DACH1: variants seen among roughly 807,000 people sequenced by gnomAD.
The protein encoded by DACH1 is dachshund family transcription factor 1.
DACH1 carries 12 observed loss-of-function variants against 54.2 expected under a neutral mutation model. That is an observed-to-expected ratio of 0.22 (90% CI 0.14 to 0.36). The LOEUF is 0.36. DACH1 is among the 10% of genes least tolerant of loss of function. DACH1 has a pLI of 1.00. For synonymous variants in DACH1, 386 were observed against 366.2 expected, an observed-to-expected ratio of 1.05 and a Z score of -0.62; for missense variants, 805 against 929.8, an observed-to-expected ratio of 0.87 and a Z score of 1.75.
At chr13:71,850,603 C>T (rs1009697255) in intron 1 of DACH1, among the ~76,000 whole-genome samples, 4 of 152,152 alleles carry the variant, frequency 2.6e-5, no homozygotes, top group African/African-American at 9.7e-5. Flanking sequence ...AGTTTAAAAA[C>T]CACACATGAT....
chr13:71,483,679 G>A (rs1878251455), intron 7 of DACH1, among the ~76,000 whole-genome samples: 1 of 151,632 alleles, frequency 6.6e-6, no homozygotes, highest in African/African-American at 2.4e-5. Flanking sequence ...ACTGAAGATA[G>A]ATAATCAGAG....
At chr13:71,806,843 T>G (rs2138140064) in intron 1 of DACH1, among the ~76,000 whole-genome samples, 1 of 152,266 alleles carries the variant, frequency 6.6e-6, no homozygotes, top group African/African-American at 2.4e-5. Flanking sequence ...AGTGATGGAG[T>G]TCTTCCAAAA....
intron 1 of DACH1, among the ~76,000 whole-genome samples, chr13:71,825,651 C>T (rs889997060): frequency 2.0e-5 from 3 of 151,948 alleles, no homozygotes; most frequent in South Asian, 4.1e-4. Context: ...TTATTAATAC[C>T]GAGTAATACA....
chr13:71,496,168 G>A (rs1046152041), intron 6 of DACH1, among the ~76,000 whole-genome samples: 1 of 150,564 alleles, frequency 6.6e-6, no homozygotes, highest in African/African-American at 2.4e-5. Context: ...AACCTAGGGG[G>A]CAGAGGTTGC....
chr13:71,728,137 G>C (rs543657026), intron 1 of DACH1, among the ~76,000 whole-genome samples: 1 of 151,878 alleles, frequency 6.6e-6, no homozygotes. Context: ...ATAGAAAAAC[G>C]GGAAAAACTA....
chr13:71,847,028 A>G (rs1163523063), intron 1 of DACH1, among the ~76,000 whole-genome samples: 2 of 152,160 alleles, frequency 1.3e-5, no homozygotes, highest in Non-Finnish European at 2.9e-5. Flanking sequence ...ACCTTTCATA[A>G]CTAATCTGAT....
chr13:71,816,100 T>A (rs1887912329), intron 1 of DACH1, among the ~76,000 whole-genome samples: 1 of 151,748 alleles, frequency 6.6e-6, no homozygotes, highest in African/African-American at 2.4e-5. Flanking sequence ...AAAAATAAAA[T>A]AAAATAAAAT....
At chr13:71,656,073 A>G (rs1029578612) in intron 2 of DACH1, among the ~76,000 whole-genome samples, 2 of 152,140 alleles carry the variant, frequency 1.3e-5, no homozygotes, top group African/African-American at 4.8e-5. Context: ...GTTATTTGGG[A>G]TTTTGGGTAT....
chr13:71,690,527 G>A (rs1294709479), intron 1 of DACH1, among the ~76,000 whole-genome samples: 1 of 152,162 alleles, frequency 6.6e-6, no homozygotes, highest in Non-Finnish European at 1.5e-5. Flanking sequence ...AGAAACAATT[G>A]TAAGTGGCCT....
intron 1 of DACH1, among the ~76,000 whole-genome samples, chr13:71,717,567 G>A (rs992926950): frequency 1.2e-4 from 18 of 150,034 alleles, no homozygotes; most frequent in Middle Eastern, 3.4e-3. Context: ...CTCTATGCCC[G>A]CTTAGATTTG....
chr13:71,561,400 C>T (rs997740472), intron 4 of DACH1, among the ~76,000 whole-genome samples: 4 of 152,270 alleles, frequency 2.6e-5, no homozygotes, highest in Admixed American at 6.5e-5. Context: ...TTTAATCCCA[C>T]GTGAGTCGTG....
At chr13:71,819,376 C>T (rs1052792160) in intron 1 of DACH1, among the ~76,000 whole-genome samples, 3 of 152,188 alleles carry the variant, frequency 2.0e-5, no homozygotes, top group Non-Finnish European at 4.4e-5. Context: ...GAGAGCAAAG[C>T]CGAGGGGCAA....
rs188417572 is a variant in DACH1 at position 71,463,949 on chromosome 13, G to A, written c.2083+11192C>T. Among the ~76,000 whole-genome samples, 389 of 152,028 alleles carry A rather than the reference G, an allele frequency of 2.6e-3. 4 individuals carry two copies. The highest frequency in any genetic ancestry group is 3.8e-3 in the Non-Finnish European group (261 of 67,880). On this transcript the variant is annotated intron_variant, in intron 10 of 10. Transcript: ENST00000613252. ...TTTTCATTATGATCTCTTAGTTTGTGAGAGGAGAAACTCCTGCTGCAATTC... is the reference window on the plus strand; with the variant it reads ...TTTTCATTATGATCTCTTAGTTTGTAAGAGGAGAAACTCCTGCTGCAATTC...
chr13:71,761,619 T>A (rs1885404765), intron 1 of DACH1, among the ~76,000 whole-genome samples: 1 of 152,082 alleles, frequency 6.6e-6, no homozygotes, highest in African/African-American at 2.4e-5. Flanking sequence ...TGCGTACACA[T>A]CATCTGGGGT....
chr13:71,801,318 C>A (rs1887279995), intron 1 of DACH1, among the ~76,000 whole-genome samples: 1 of 152,030 alleles, frequency 6.6e-6, no homozygotes, highest in Admixed American at 6.6e-5. Context: ...CCTACTAAGC[C>A]ATAGATTTAT....
chr13:71,768,581 C>A (rs548906767), intron 1 of DACH1, among the ~76,000 whole-genome samples: 11 of 152,032 alleles, frequency 7.2e-5, no homozygotes, highest in African/African-American at 2.2e-4. Context: ...AGTTCTACAG[C>A]CCTGAGCACA....
At chr13:71,819,444 A>G (rs187866679) in intron 1 of DACH1, among the ~76,000 whole-genome samples, 85 of 152,286 alleles carry the variant, frequency 5.6e-4, no homozygotes, top group Admixed American at 2.7e-3. Flanking sequence ...AACTTAATAG[A>G]GTGTCATTGG....
intron 3 of DACH1, among the ~76,000 whole-genome samples, chr13:71,581,148 C>T (rs1374981975): frequency 6.6e-6 from 1 of 151,738 alleles, no homozygotes; most frequent in Non-Finnish European, 1.5e-5. Context: ...CTCACATTTA[C>T]ATCTGGTAAG....
chr13:71,444,562 C>T (rs2138100750), intron 10 of DACH1, among the ~76,000 whole-genome samples: 1 of 152,218 alleles, frequency 6.6e-6, no homozygotes, highest in East Asian at 1.9e-4. Context: ...TCAGTACTCA[C>T]TGTGGAACTC....
Sources: allele counts gnomAD v4.1 joint callset (sites outside exome capture counted in the v4.1 genomes callset), GRCh38; gene constraint gnomAD v4.1.1; transcripts MANE v1.5; gene names NCBI Gene and HGNC (gene_info 2026-07-23, HGNC 2026-07-21).